The following PCDH15 variants were observed in gnomAD, a reference collection of about 807,000 sequenced individuals.
The protein encoded by PCDH15 is protocadherin related 15.
PCDH15 carries 129 observed loss-of-function variants against 178.5 expected under a neutral mutation model. The ratio of observed to expected loss-of-function variants is 0.72; its 90% CI spans 0.63 to 0.84. The LOEUF is 0.84. Among genes scored for constraint, PCDH15 ranks in the 40% least tolerant of loss-of-function variants. PCDH15 has a pLI of 0.00. For synonymous variants in PCDH15, 800 were observed against 732.0 expected, an observed-to-expected ratio of 1.09 and a Z score of -1.50; for missense variants, 2,230 against 2,099.9, an observed-to-expected ratio of 1.06 and a Z score of -1.21.
At chr10:54,347,205 C>A (rs958016476) in intron 5 of PCDH15, among the ~76,000 whole-genome samples, 2 of 152,084 alleles carry the variant, frequency 1.3e-5, no homozygotes, top group African/African-American at 4.8e-5. Flanking sequence ...GGTTTTTGCG[C>A]AATGTGCTCT....
At chr10:54,033,875 G>A (rs2093357218) in intron 18 of PCDH15, among the ~76,000 whole-genome samples, 1 of 151,686 alleles carries the variant, frequency 6.6e-6, no homozygotes, top group Admixed American at 6.6e-5. Context: ...CTTTTTTCTA[G>A]TATTCTGTTG....
At chr10:55,580,029 G>A (rs978414579) in intron 2 of PCDH15, among the ~76,000 whole-genome samples, 1 of 151,916 alleles carries the variant, frequency 6.6e-6, no homozygotes, top group Non-Finnish European at 1.5e-5. Context: ...GCTAACTTTT[G>A]TATTTTTAGT....
chr10:54,280,616 A>T (rs910926273), intron 8 of PCDH15, among the ~76,000 whole-genome samples: 1 of 151,778 alleles, frequency 6.6e-6, no homozygotes, highest in East Asian at 1.9e-4. Context: ...TTACCTTCAC[A>T]TATGAGGCCT....
At chr10:55,231,232 T>A (rs1841210594) in intron 1 of PCDH15, among the ~76,000 whole-genome samples, 1 of 151,888 alleles carries the variant, frequency 6.6e-6, no homozygotes, top group South Asian at 2.1e-4. Flanking sequence ...AAAATAAACT[T>A]GTTGAAAGAG....
chr10:54,850,306 T>C (rs1953594539), intron 3 of PCDH15, among the ~76,000 whole-genome samples: 2 of 152,200 alleles, frequency 1.3e-5, no homozygotes, highest in South Asian at 2.1e-4. Flanking sequence ...TTTATTTCCA[T>C]AGAATTTGTG....
At chr10:55,456,582 G>A (rs960895233) in intron 2 of PCDH15, among the ~76,000 whole-genome samples, 4 of 151,694 alleles carry the variant, frequency 2.6e-5, no homozygotes, top group Non-Finnish European at 5.9e-5. Flanking sequence ...TAAATAGGTG[G>A]GAAGAAAACC....
At chr10:53,901,914 T>C (rs2082360972) in intron 26 of PCDH15, among the ~76,000 whole-genome samples, 1 of 152,220 alleles carries the variant, frequency 6.6e-6, no homozygotes, top group African/African-American at 2.4e-5. Flanking sequence ...AATTTATCAC[T>C]ACATAACTTA....
chr10:54,127,286 T>A (rs2132973606), intron 15 of PCDH15, among the ~76,000 whole-genome samples: 1 of 152,316 alleles, frequency 6.6e-6, no homozygotes, highest in East Asian at 1.9e-4. Context: ...CATGTATACA[T>A]TTGTTATCCA....
In PCDH15 at chr10:53,828,735, A is replaced by G. The variant is rs4935472; in HGVS notation, c.4203-162T>C. On this transcript the variant is annotated intron_variant, in intron 30 of 37. Transcript: ENST00000644397. ...CTAAGAAAACTAAGGATATCAATTC[A>G]AAAGGTGAAAATAGTATCGTTACCG... is the stretch of plus-strand genomic sequence containing the variant. 0.4 allele frequency among the ~76,000 whole-genome samples: 60,216 copies of G among 151,740 alleles called. 12,583 individuals carry two copies. Among genetic ancestry groups the G allele is most frequent in the East Asian group, 0.75 (3,846 of 5,122 alleles).
chr10:54,289,238 G>A (rs1554881694), intron 8 of PCDH15, among the ~76,000 whole-genome samples: 1 of 152,204 alleles, frequency 6.6e-6, no homozygotes, highest in Non-Finnish European at 1.5e-5. Flanking sequence ...AGGGTCTGGA[G>A]TGGAACTCCA....
chr10:53,916,499 C>G (rs1428552912), intron 25 of PCDH15, among the ~76,000 whole-genome samples: 2 of 138,006 alleles, frequency 1.4e-5, no homozygotes, highest in African/African-American at 5.5e-5. Flanking sequence ...GCCTCTGCAA[C>G]CAAATGACTG....
intron 3 of PCDH15, among the ~76,000 whole-genome samples, chr10:54,425,244 C>T (rs143565053): frequency 5.3e-5 from 8 of 152,100 alleles, no homozygotes; most frequent in South Asian, 2.1e-4. Context: ...AAAGTTCCTC[C>T]CTCATGAGTG....
chr10:54,643,902 T>C (rs1489748197), intron 2 of PCDH15, among the ~76,000 whole-genome samples: 1 of 150,420 alleles, frequency 6.6e-6, no homozygotes, highest in Non-Finnish European at 1.5e-5. Flanking sequence ...TGTGCCATGC[T>C]GGTGTGCTGC....
chr10:54,850,677 G>T (rs2131765295), intron 3 of PCDH15, among the ~76,000 whole-genome samples: 1 of 152,192 alleles, frequency 6.6e-6, no homozygotes, highest in Admixed American at 6.5e-5. Context: ...AAATTGAAGA[G>T]AAAGGTTCCA....
chr10:54,815,024 C>A (rs1207192664), intron 3 of PCDH15, among the ~76,000 whole-genome samples: 1 of 151,990 alleles, frequency 6.6e-6, no homozygotes, highest in Non-Finnish European at 1.5e-5. Context: ...CTCTTCTGCA[C>A]CAGGAGCACC....
At chr10:54,387,626 A>T (rs765697328) in intron 3 of PCDH15, among the ~76,000 whole-genome samples, 25 of 152,194 alleles carry the variant, frequency 1.6e-4, no homozygotes, top group Non-Finnish European at 2.9e-4. Context: ...AACTCACCAT[A>T]TCACCACATC....
intron 3 of PCDH15, among the ~76,000 whole-genome samples, chr10:54,474,552 C>A (rs1283395358): frequency 1.1e-4 from 17 of 151,910 alleles, no homozygotes; most frequent in Non-Finnish European, 2.9e-5. Context: ...GGGTTAAACA[C>A]AGCAGGTTCT....
At chr10:55,265,276 G>A (rs535790374) in intron 1 of PCDH15, among the ~76,000 whole-genome samples, 81 of 148,498 alleles carry the variant, frequency 5.5e-4, no homozygotes, top group South Asian at 1.1e-3. Context: ...ATACAGAGAC[G>A]ATATATTGTG....
intron 23 of PCDH15, among the ~76,000 whole-genome samples, chr10:53,958,633 C>T (rs1247648996): frequency 6.6e-6 from 1 of 152,090 alleles, no homozygotes; most frequent in Non-Finnish European, 1.5e-5. Flanking sequence ...CCTGACCATG[C>T]AGACACCCTG....
Sources: gnomAD v4.1 joint callset for allele counts (sites outside exome capture counted in the v4.1 genomes callset) on GRCh38, gnomAD v4.1.1 for gene constraint, MANE v1.5 for transcripts, NCBI Gene and HGNC (gene_info 2026-07-23, HGNC 2026-07-21) for gene names.